The following CYFIP1 variants were observed in gnomAD, a reference collection of about 807,000 sequenced individuals.
The protein encoded by CYFIP1 is cytoplasmic FMR1-interacting protein 1.
A neutral mutation model predicts 163.5 loss-of-function variants in CYFIP1; 58 were observed. The ratio of observed to expected loss-of-function variants is 0.35; its 90% CI spans 0.29 to 0.44. CYFIP1 has a LOEUF of 0.44. CYFIP1 is among the 20% of genes least tolerant of loss of function. The pLI is 1.00. For missense variants in CYFIP1, 1,338 were observed against 1,653.8 expected, an observed-to-expected ratio of 0.81 and a Z score of 3.31; for synonymous variants, 663 against 660.7, an observed-to-expected ratio of 1.00 and a Z score of -0.05.
intron 1 of CYFIP1, among the ~76,000 whole-genome samples, chr15:22,968,528 A>G (rs575543958): frequency 6.6e-6 from 1 of 152,254 alleles, no homozygotes; most frequent in South Asian, 2.1e-4. Flanking sequence ...TGTGAGTCAG[A>G]TCCTTAAAAT....
At chr15:22,948,931 G>A (rs1360649206) in intron 1 of CYFIP1, among the ~76,000 whole-genome samples, 1 of 151,808 alleles carries the variant, frequency 6.6e-6, no homozygotes, top group African/African-American at 2.4e-5. Context: ...TTCAGGACAA[G>A]AGAGAAGGTC....
chr15:22,910,724 A>G lies in CYFIP1; in HGVS notation c.2159+13T>C. On this transcript the variant is annotated intron_variant, in intron 19 of 30. Coordinates refer to ENST00000617928, the MANE Select transcript of CYFIP1 (RefSeq NM_014608.6). ...GAAACGTTTTGTATCAAAATCACACACCAGATACTCACCTTCCTGCCATAA... is the reference window on the plus strand; with the variant it reads ...GAAACGTTTTGTATCAAAATCACACGCCAGATACTCACCTTCCTGCCATAA... 2.5e-6 allele frequency: 4 copies of G among 1,611,808 alleles called. No homozygotes were observed. The highest frequency in any genetic ancestry group is 3.4e-6 in the Non-Finnish European group (4 of 1,177,890).
At position 22,917,091 on chromosome 15, in the gene CYFIP1, C is replaced by T; in HGVS notation, c.1675-461G>A. The T allele has an allele frequency of 2.0e-6, 3 of 1,471,652 alleles. No homozygotes were observed. The highest frequency in any genetic ancestry group is 2.7e-6 in the Non-Finnish European group (3 of 1,115,060). The allele number at this position is 1,471,652 out of a possible 1,614,324, so 91.2% of individuals were successfully genotyped here. A position where few individuals can be genotyped will look rare whatever the true frequency, so the allele number is the denominator to read the frequency against. On this transcript the variant is annotated intron_variant, in intron 15 of 30. Transcript: ENST00000617928. The surrounding 1 kb of genome is among the most constrained non-coding windows in gnomAD (Gnocchi z 4.2). Reference sequence around the variant, plus strand: ...AGACGTTAGTCACTCGACACACACACCCCAGGCAGGGACACGGGACGCACG... The same window carrying T: ...AGACGTTAGTCACTCGACACACACATCCCAGGCAGGGACACGGGACGCACG...
At chr15:22,950,775 C>T (rs1424821299) in intron 1 of CYFIP1, among the ~76,000 whole-genome samples, 2 of 152,230 alleles carry the variant, frequency 1.3e-5, no homozygotes, top group Non-Finnish European at 2.9e-5. Flanking sequence ...CCGGCTGGGT[C>T]GCCAGCATGG....
At chr15:22,909,397 G>A in intron 20 of CYFIP1, 84 bp from the exon 21 acceptor site, 8 of 1,564,828 alleles carry the variant, frequency 5.1e-6, no homozygotes, top group African/African-American at 1.4e-5. Context: ...AGACCCTGGA[G>A]AAGCTGGTCT....
In CYFIP1 at chr15:22,874,650, G is replaced by A. The variant is rs756808718; in HGVS notation, c.3116-6C>T. On this transcript the variant is annotated splice_region_variant and splice_polypyrimidine_tract_variant and intron_variant, in intron 27 of 30. Transcript: ENST00000617928. ...GGCATCAAGTCTCTCCCCCTCTGCA[G>A]TAGAAAAAATATTTTACTATATTCT... 2 of 1,573,974 alleles carry A rather than the reference G, an allele frequency of 1.3e-6. No individual in the cohort carries two copies. The highest frequency in any genetic ancestry group is 4.6e-5 in the East Asian group (2 of 43,862).
At chr15:22,919,462 G>C in intron 13 of CYFIP1, among the ~76,000 whole-genome samples, 1 of 152,286 alleles carries the variant, frequency 6.6e-6, no homozygotes, top group South Asian at 2.1e-4. Context: ...CTTTACAATT[G>C]CATGAGCTTT....
At chr15:22,971,753 CCAGA>C (rs1001145962) in intron 1 of CYFIP1, among the ~76,000 whole-genome samples, 9 of 151,972 alleles carry the variant, frequency 5.9e-5, no homozygotes, top group African/African-American at 1.7e-4. Flanking sequence ...ACCTGTAGTC[CCAGA>C]CACTCAGGAG....
intron 25 of CYFIP1, among the ~76,000 whole-genome samples, chr15:22,881,489 G>A (rs1233715103): frequency 2.0e-5 from 3 of 151,988 alleles, no homozygotes; most frequent in African/African-American, 4.8e-5. Flanking sequence ...CTGGGGGCAG[G>A]GGCAGGCCTT....
At chr15:22,916,348 C>G in intron 16 of CYFIP1, 129 bp downstream of exon 16, 1 of 705,448 alleles carries the variant, frequency 1.4e-6, no homozygotes, top group African/African-American at 1.8e-5. Flanking sequence ...CCACAGAGGG[C>G]AGGACGAGTC....
intron 21 of CYFIP1, among the ~76,000 whole-genome samples, chr15:22,907,619 A>G (rs2060628045): frequency 6.6e-6 from 1 of 152,252 alleles, no homozygotes; most frequent in Non-Finnish European, 1.5e-5. Context: ...GTGGAAACGG[A>G]CGTGTGGCCA....
chr15:22,927,310 T>G (rs936522968), intron 12 of CYFIP1, among the ~76,000 whole-genome samples: 1 of 151,694 alleles, frequency 6.6e-6, no homozygotes, highest in African/African-American at 2.4e-5. Context: ...TGAAATACCA[T>G]CTCTACTAAA....
chr15:22,874,524 G>T, intron 28 of CYFIP1, 26 bp downstream of exon 28: 2 of 1,533,936 alleles, frequency 1.3e-6, no homozygotes, highest in South Asian at 1.2e-5. Context: ...GCTTGCAACA[G>T]CCACAGCCAT....
At chr15:22,924,211 G>A (rs2061287673) in intron 13 of CYFIP1, among the ~76,000 whole-genome samples, 1 of 152,128 alleles carries the variant, frequency 6.6e-6, no homozygotes, top group East Asian at 1.9e-4. Context: ...ATTACCTGAG[G>A]TCAGGAGTTT....
chr15:22,948,050 G>A (rs1295069674), intron 1 of CYFIP1: 1 of 960,504 alleles, frequency 1.0e-6, no homozygotes, highest in African/African-American at 1.8e-5. Flanking sequence ...AAGAGCAGCA[G>A]GTGGCCTGGA....
intron 21 of CYFIP1, among the ~76,000 whole-genome samples, chr15:22,907,059 C>T (rs1007491671): frequency 5.9e-5 from 9 of 152,152 alleles, no homozygotes; most frequent in African/African-American, 1.7e-4. Context: ...CTCATGCTCC[C>T]CTCCGCCATG....
intron 1 of CYFIP1, among the ~76,000 whole-genome samples, chr15:22,964,337 T>A: frequency 3.9e-5 from 2 of 51,842 alleles, no homozygotes; most frequent in South Asian, 6.3e-4. Context: ...ACCAGCAGAC[T>A]CCGCAACCTC....
At chr15:22,870,299 C>T (rs1012736402) in intron 30 of CYFIP1, 107 bp from the exon 31 acceptor site, 59 of 1,347,312 alleles carry the variant, frequency 4.4e-5, no homozygotes, top group Middle Eastern at 2.0e-4. Context: ...TAATAGCAAA[C>T]GGAATTGACA....
At chr15:22,884,708 CA>C (rs1289495788) in intron 23 of CYFIP1, among the ~76,000 whole-genome samples, 9 of 152,148 alleles carry the variant, frequency 5.9e-5, no homozygotes, top group African/African-American at 9.7e-5. Flanking sequence ...TGTGGGGCTC[CA>C]ACCCCCCATT....
Sources: allele counts gnomAD v4.1 joint callset (sites outside exome capture counted in the v4.1 genomes callset), GRCh38; gene constraint gnomAD v4.1.1; non-coding constraint Gnocchi (gnomAD v3.1); transcripts MANE v1.5; gene names NCBI Gene and HGNC (gene_info 2026-07-23, HGNC 2026-07-21).